CLNK: variants seen among roughly 807,000 people sequenced by gnomAD.
CLNK encodes cytokine-dependent hematopoietic cell linker.
CLNK carries 74 observed loss-of-function variants against 68.6 expected under a neutral mutation model. That is an observed-to-expected ratio of 1.08 (90% CI 0.89 to 1.31). The LOEUF (loss-of-function observed/expected upper bound fraction) is 1.31. Among genes scored for constraint, CLNK ranks in the 50% most tolerant of loss-of-function variants. CLNK has a pLI of 0.00. For missense variants in CLNK, 553 were observed against 515.3 expected, an observed-to-expected ratio of 1.07 and a Z score of -0.71; for synonymous variants, 198 against 172.2, an observed-to-expected ratio of 1.15 and a Z score of -1.17.
intron 2 of CLNK, among the ~76,000 whole-genome samples, chr4:10,614,037 C>T (rs188761172): frequency 6.3e-4 from 96 of 152,318 alleles, no homozygotes; most frequent in South Asian, 2.3e-3. Flanking sequence ...AGAGCAACAT[C>T]GGACTCATAG....
chr4:10,665,181 C>T (rs1443735799), intron 2 of CLNK, among the ~76,000 whole-genome samples: 5 of 152,222 alleles, frequency 3.3e-5, no homozygotes, highest in South Asian at 2.1e-4. Context: ...CTCTGGCCTA[C>T]GCATTGCCAG....
At chr4:10,721,562 G>A in the CLNK span, among the ~76,000 whole-genome samples, 13 of 152,190 alleles carry the variant, frequency 8.5e-5, no homozygotes, top group Non-Finnish European at 1.3e-4. Context: ...AGATAGGGTA[G>A]AATATTGATA....
chr4:10,656,266 G>A (rs1359029741), intron 2 of CLNK, among the ~76,000 whole-genome samples: 1 of 128,938 alleles, frequency 7.8e-6, no homozygotes, highest in Non-Finnish European at 1.6e-5. Context: ...GTCACAAAAT[G>A]AGAAAAGTGT....
At chr4:10,709,004 G>C in the CLNK span, among the ~76,000 whole-genome samples, 1 of 152,140 alleles carries the variant, frequency 6.6e-6, no homozygotes, top group Non-Finnish European at 1.5e-5. Flanking sequence ...AATTGAGATG[G>C]ACCTACCAAA....
Position 10,547,644 on chromosome 4 carries a change from A to G in CLNK, c.446-5364T>C, listed in dbSNP as rs539647840. Among the ~76,000 whole-genome samples, 5 of 151,926 alleles carry G rather than the reference A, an allele frequency of 3.3e-5. No individual in the cohort carries two copies. The South Asian group carries it at 8.3e-4, about 25-fold the overall frequency. ...TGTCCCCTTTAAGCATCACCTTCCT[A>G]TGTCTCCCTCCTCCTTGCTCCTGGC... On this transcript the variant is annotated intron_variant, in intron 8 of 18. Coordinates refer to ENST00000226951, the MANE Select transcript of CLNK (RefSeq NM_052964.4).
chr4:10,552,923 C>T (rs1719517677), intron 8 of CLNK, among the ~76,000 whole-genome samples: 1 of 152,060 alleles, frequency 6.6e-6, no homozygotes, highest in Non-Finnish European at 1.5e-5. Context: ...ATACCAATTT[C>T]ATGTTTATTA....
At chr4:10,727,756 G>T in the CLNK span, among the ~76,000 whole-genome samples, 1 of 152,196 alleles carries the variant, frequency 6.6e-6, no homozygotes, top group Non-Finnish European at 1.5e-5. Flanking sequence ...TAAAATACTG[G>T]AGATGTAAAT....
intron 2 of CLNK, among the ~76,000 whole-genome samples, chr4:10,653,045 A>G (rs772552431): frequency 6.6e-5 from 10 of 152,222 alleles, no homozygotes; most frequent in Non-Finnish European, 1.3e-4. Context: ...TTGCAGGGAC[A>G]TGGATGACAC....
chr4:10,542,197 TC>T, intron 9 of CLNK, 57 bp downstream of exon 9: 4 of 1,244,390 alleles, frequency 3.2e-6, no homozygotes, highest in Non-Finnish European at 3.4e-6. Context: ...ATCATCTATA[TC>T]TCTAGGCTTC....
At position 10,488,240 on chromosome 4, in the gene CLNK, A is replaced by G. The variant is rs187882460; in HGVS notation, c.*2227T>C. 6.6e-6 allele frequency: 1 copy of G among 152,304 alleles called. No homozygotes were observed. Among genetic ancestry groups the G allele is most frequent in the African/African-American group, 2.4e-5 (1 of 41,570 alleles). The allele number at this position is 152,304 out of a possible 1,614,324, so 9.4% of individuals were successfully genotyped here. On this transcript the variant is annotated 3_prime_UTR_variant, in exon 19 of 19. Transcript: ENST00000226951. ...AAATATTATTTCAAACGTACACCTTATCAAATGCTAACCCCCACTTGACAT... is the reference window on the plus strand; with the variant it reads ...AAATATTATTTCAAACGTACACCTTGTCAAATGCTAACCCCCACTTGACAT...
chr4:10,633,337 C>G (rs1026865973), intron 2 of CLNK, among the ~76,000 whole-genome samples: 6 of 152,162 alleles, frequency 3.9e-5, no homozygotes, highest in Non-Finnish European at 7.3e-5. Flanking sequence ...CAGCGTTATT[C>G]TTTGTGCATG....
At chr4:10,685,883 TG>T (rs748729084), upstream of CLNK, among the ~76,000 whole-genome samples, 4 of 152,228 alleles carry the variant, frequency 2.6e-5, no homozygotes, top group Non-Finnish European at 5.9e-5. Flanking sequence ...AATTAGCTTT[TG>T]CTGCATTAGG....
At chr4:10,557,075 CAAAATAAA>C in intron 8 of CLNK, among the ~76,000 whole-genome samples, 1 of 94,344 alleles carries the variant, frequency 1.1e-5, no homozygotes, top group South Asian at 3.8e-4. Context: ...GACTCTGTCT[CAAAATAAA>C]TAAATAAATA....
intron 4 of CLNK, among the ~76,000 whole-genome samples, chr4:10,574,920 C>T (rs577679148): frequency 1.5e-4 from 23 of 152,254 alleles, no homozygotes; most frequent in South Asian, 6.2e-4. Flanking sequence ...CCCTCTCACG[C>T]GGACCCCCTT....
At chr4:10,601,893 T>G (rs1265615838) in intron 2 of CLNK, among the ~76,000 whole-genome samples, 1 of 152,216 alleles carries the variant, frequency 6.6e-6, no homozygotes, top group African/African-American at 2.4e-5. Flanking sequence ...GCTAATTGAT[T>G]GCACAAAGAA....
At chr4:10,642,719 T>A (rs371376818) in intron 2 of CLNK, among the ~76,000 whole-genome samples, 2 of 152,180 alleles carry the variant, frequency 1.3e-5, no homozygotes, top group Admixed American at 1.3e-4. Context: ...ACTCACTGGG[T>A]GCACTGTCAT....
chr4:10,565,964 C>A, intron 6 of CLNK, 45 bp downstream of exon 6: 1 of 1,594,122 alleles, frequency 6.3e-7, no homozygotes. Context: ...AATATGGTGG[C>A]ATGTACATGC....
chr4:10,533,745 T>C (rs1055376755), intron 11 of CLNK, among the ~76,000 whole-genome samples: 13 of 152,390 alleles, frequency 8.5e-5, no homozygotes, highest in South Asian at 2.1e-4. Context: ...AAGAAGCCAG[T>C]GTATTAAAGA....
intron 2 of CLNK, among the ~76,000 whole-genome samples, chr4:10,660,737 C>T: frequency 6.6e-6 from 1 of 152,210 alleles, no homozygotes; most frequent in Non-Finnish European, 1.5e-5. Context: ...AGAAGACTAT[C>T]TTGACATCCT....
Sources: gnomAD v4.1 joint callset for allele counts (sites outside exome capture counted in the v4.1 genomes callset) on GRCh38, gnomAD v4.1.1 for gene constraint, MANE v1.5 for transcripts, NCBI Gene and HGNC (gene_info 2026-07-23, HGNC 2026-07-21) for gene names.